Variants in PDS5A observed in about 807,000 individuals in gnomAD.
PDS5A encodes the protein sister chromatid cohesion protein PDS5 homolog A.
Under a neutral mutation model 167.1 loss-of-function variants are expected in PDS5A, and 42 were observed. That is an observed-to-expected ratio of 0.25 (90% CI 0.20 to 0.33). The LOEUF (loss-of-function observed/expected upper bound fraction) is 0.33. PDS5A is among the 10% of genes least tolerant of loss of function. The pLI is 1.00. For missense variants in PDS5A, 1,033 were observed against 1,605.9 expected, an observed-to-expected ratio of 0.64 and a Z score of 6.10; for synonymous variants, 553 against 554.6, an observed-to-expected ratio of 1.00 and a Z score of 0.04.
At chr4:39,860,436 G>C (rs1199289735) in intron 26 of PDS5A, among the ~76,000 whole-genome samples, 1 of 151,350 alleles carries the variant, frequency 6.6e-6, no homozygotes, top group Non-Finnish European at 1.5e-5. Flanking sequence ...CTGCACTCCA[G>C]CCAGGGCAAC....
intron 7 of PDS5A, among the ~76,000 whole-genome samples, chr4:39,918,328 G>A (rs1181535468): frequency 2.0e-5 from 3 of 149,674 alleles, no homozygotes; most frequent in East Asian, 3.9e-4. Context: ...ATGACAAAAA[G>A]AACAAAAAGT....
At chr4:39,889,344 A>G (rs570028488) in intron 17 of PDS5A, among the ~76,000 whole-genome samples, 1 of 152,336 alleles carries the variant, frequency 6.6e-6, no homozygotes, top group East Asian at 1.9e-4. Context: ...TGAGAAAATA[A>G]ATTTCTTTTG....
chr4:39,961,100 C>A (rs1729437410), intron 2 of PDS5A, among the ~76,000 whole-genome samples: 1 of 152,064 alleles, frequency 6.6e-6, no homozygotes, highest in South Asian at 2.1e-4. Context: ...TGAGCCACCA[C>A]AACTAGCTAG....
rs1299977668 is a variant in PDS5A at position 39,977,713 on chromosome 4, T to C, written c.-297A>G. ...TCCGTCTGGCCGAGGAAGAGCAGCC[T>C]CGAAGGCTCCTCCGGGAGTGTGTGC... On this transcript the variant is annotated 5_prime_UTR_variant, in exon 1 of 33. Transcript: ENST00000303538. This position sits in a 1 kb window ranked among gnomAD's most constrained non-coding sequence, Gnocchi z 4.2. 4.0e-5 allele frequency: 6 copies of C among 149,562 alleles called. No individual in the cohort carries two copies. Among genetic ancestry groups the C allele is most frequent in the Non-Finnish European group, 7.5e-5 (5 of 66,986 alleles). The allele number at this position is 149,562 out of a possible 1,614,324, so 9.3% of individuals were successfully genotyped here.
At chr4:39,832,193 C>T (rs996239897) in intron 32 of PDS5A, among the ~76,000 whole-genome samples, 21 of 151,712 alleles carry the variant, frequency 1.4e-4, no homozygotes, top group African/African-American at 4.6e-4. Flanking sequence ...ATGAATGTTA[C>T]GAAATAATTA....
intron 19 of PDS5A, among the ~76,000 whole-genome samples, chr4:39,876,118 T>C (rs1395832140): frequency 6.6e-6 from 1 of 152,124 alleles, no homozygotes; most frequent in East Asian, 1.9e-4. Context: ...GTAGAATTCC[T>C]CTAAGAATAG....
At position 39,876,982 on chromosome 4, in the gene PDS5A, A is replaced by C. The variant is rs1257464832; in HGVS notation, c.2153+11T>G. The C allele has an allele frequency of 6.3e-7, 1 of 1,595,938 alleles. No individual in the cohort carries two copies. The highest frequency in any genetic ancestry group is 2.2e-5 in the East Asian group (1 of 44,608). Reference sequence around the variant, plus strand: ...CTTTTGTATTTACCACGGGAGAAAAAATGTACTCACGATCGTATCTGGGGA... The same window carrying C: ...CTTTTGTATTTACCACGGGAGAAAACATGTACTCACGATCGTATCTGGGGA... On this transcript the variant is annotated intron_variant, in intron 19 of 32. Coordinates refer to ENST00000303538, the MANE Select transcript of PDS5A (RefSeq NM_001100399.2).
At chr4:39,922,146 A>C (rs1725041552) in intron 6 of PDS5A, among the ~76,000 whole-genome samples, 1 of 152,126 alleles carries the variant, frequency 6.6e-6, no homozygotes. Flanking sequence ...AACAGGGAAG[A>C]ATGATACACC....
chr4:39,893,397 A>C (rs1258688875), intron 16 of PDS5A, among the ~76,000 whole-genome samples: 1 of 152,224 alleles, frequency 6.6e-6, no homozygotes, highest in African/African-American at 2.4e-5. Context: ...TTTTTCAGAA[A>C]TGGAACTTGG....
intron 26 of PDS5A, among the ~76,000 whole-genome samples, chr4:39,854,843 G>C (rs1464152606): frequency 6.6e-6 from 1 of 152,154 alleles, no homozygotes; most frequent in East Asian, 1.9e-4. Context: ...AAAAAGTGTT[G>C]AAAGATACAG....
chr4:39,941,741 C>T (rs909983500), intron 2 of PDS5A, among the ~76,000 whole-genome samples: 4 of 152,120 alleles, frequency 2.6e-5, no homozygotes, highest in Non-Finnish European at 2.9e-5. Flanking sequence ...TTTCATTGCA[C>T]CTAGATGGTA....
intron 2 of PDS5A, among the ~76,000 whole-genome samples, chr4:39,971,546 G>A (rs917209363): frequency 4.6e-5 from 7 of 152,062 alleles, no homozygotes; most frequent in Non-Finnish European, 1.0e-4. Context: ...TGCAACCTCT[G>A]CCTCCTGGGT....
chr4:39,963,796 A>ACT (rs1327024878), intron 2 of PDS5A, among the ~76,000 whole-genome samples: 2 of 151,224 alleles, frequency 1.3e-5, no homozygotes, highest in Non-Finnish European at 3.0e-5. Flanking sequence ...TGATCACACC[A>ACT]CTGCACTCCA....
At chr4:39,952,496 C>CT (rs373822220) in intron 2 of PDS5A, among the ~76,000 whole-genome samples, 14 of 149,532 alleles carry the variant, frequency 9.4e-5, no homozygotes, top group African/African-American at 1.5e-4. Flanking sequence ...ATTTGTTAAT[C>CT]TTTTTTTTTT....
At chr4:39,957,589 T>C (rs1157169830) in intron 2 of PDS5A, among the ~76,000 whole-genome samples, 1 of 151,570 alleles carries the variant, frequency 6.6e-6, no homozygotes, top group Admixed American at 6.6e-5. Context: ...ATGGAGACCA[T>C]CCTGGCTAAC....
intron 26 of PDS5A, among the ~76,000 whole-genome samples, chr4:39,858,657 C>T (rs968552048): frequency 7.9e-5 from 12 of 152,104 alleles, no homozygotes; most frequent in Non-Finnish European, 1.2e-4. Context: ...CAGTTTCACT[C>T]TTATTGCCCA....
chr4:39,889,787 C>T (rs1357280325), intron 17 of PDS5A, among the ~76,000 whole-genome samples: 1 of 152,174 alleles, frequency 6.6e-6, no homozygotes, highest in African/African-American at 2.4e-5. Context: ...TCCAAAGCCA[C>T]AAAGTAGACT....
intron 5 of PDS5A, 48 bp from the exon 6 acceptor site, chr4:39,922,796 G>A: frequency 7.4e-7 from 1 of 1,343,190 alleles, no homozygotes; most frequent in Non-Finnish European, 9.6e-7. Flanking sequence ...AGGAAAAGAA[G>A]AGAATTCAAG....
At chr4:39,946,087 A>G (rs2109776587) in intron 2 of PDS5A, among the ~76,000 whole-genome samples, 2 of 151,932 alleles carry the variant, frequency 1.3e-5, no homozygotes, top group African/African-American at 4.8e-5. Context: ...GGTGTCTGTA[A>G]TCCCATATAC....
Sources: allele counts gnomAD v4.1 joint callset (sites outside exome capture counted in the v4.1 genomes callset), GRCh38; gene constraint gnomAD v4.1.1; non-coding constraint Gnocchi (gnomAD v3.1); transcripts MANE v1.5; gene names NCBI Gene and HGNC (gene_info 2026-07-23, HGNC 2026-07-21).